The following ALPK3 variants were observed in gnomAD, a reference collection of about 807,000 sequenced individuals.
The protein encoded by ALPK3 is alpha kinase 3.
In ALPK3, 102 loss-of-function variants were observed where a neutral mutation model predicts 140.0. That is an observed-to-expected ratio of 0.73 (90% CI 0.62 to 0.86). The LOEUF (loss-of-function observed/expected upper bound fraction) is 0.86, where lower values mean the gene tolerates loss of function less well. ALPK3 is among the 40% of genes least tolerant of loss of function. ALPK3 has a pLI of 0.00. For missense variants in ALPK3, 2,254 were observed against 2,208.2 expected, an observed-to-expected ratio of 1.02 and a Z score of -0.42; for synonymous variants, 938 against 898.5, an observed-to-expected ratio of 1.04 and a Z score of -0.79.
At chr15:84,838,887 G>A (rs1963624097) in intron 3 of ALPK3, 93 bp from the exon 4 acceptor site, 2 of 1,051,414 alleles carry the variant, frequency 1.9e-6, no homozygotes, top group Non-Finnish European at 1.4e-6. Flanking sequence ...CTCCCAAAGT[G>A]CTGGGATTAC....
chr15:84,866,287 CTAAGTTAGAGTCCTACACA>C (rs1964003151), intron 12 of ALPK3, among the ~76,000 whole-genome samples: 1 of 152,180 alleles, frequency 6.6e-6, no homozygotes, highest in Admixed American at 6.5e-5. Context: ...GTTTCAGACA[CTAAGTTAGAGTCCTACACA>C]TATTATGATT....
In ALPK3 at chr15:84,870,268, ATCT is replaced by A. The variant is rs1291181294; in HGVS notation, c.*1816_*1818del. The A allele has an allele frequency of 6.6e-6, 1 of 151,488 alleles. No homozygotes were observed. Among genetic ancestry groups the A allele is most frequent in the Non-Finnish European group, 1.5e-5 (1 of 67,996 alleles). 9.4% of individuals were successfully genotyped at this position (151,488 alleles called of 1,614,324 possible). On this transcript the variant is annotated 3_prime_UTR_variant, in exon 14 of 14. Transcript: ENST00000258888. Reference sequence around the variant, plus strand: ...CTCCTCTGTGCTCAGGTGACTCCACATCTTCTGCCCCAGTGTGTCCCCACCTCT... The same window carrying A: ...CTCCTCTGTGCTCAGGTGACTCCACATCTGCCCCAGTGTGTCCCCACCTCT...
rs747180813 is a variant in ALPK3 at position 84,840,870 on chromosome 15, C to T, written c.1591C>T (p.Arg531Trp). ...SVQVPTPPAR[R>W]RHGTRDSTLQ... ...GCAGGTGCCGACGCCCCCTGCCCGG[C>T]GGAGACATGGCACCCGGGACAGCAC... Residue 531 changes from arginine to tryptophan, a missense_variant, in exon 5 of 14, where the codon CGG becomes TGG. Coordinates refer to ENST00000258888, the MANE Select transcript of ALPK3 (RefSeq NM_020778.5). The T allele has an allele frequency of 2.4e-5, 39 of 1,613,550 alleles. No homozygotes were observed. The highest frequency in any genetic ancestry group is 4.5e-5 in the East Asian group (2 of 44,896).
intron 5 of ALPK3, among the ~76,000 whole-genome samples, chr15:84,852,324 G>A (rs976500887): frequency 3.9e-5 from 6 of 152,204 alleles, no homozygotes; most frequent in African/African-American, 1.2e-4. Flanking sequence ...TGTATACCTG[G>A]TGGCTATGCT....
At position 84,827,598 on chromosome 15, in the gene ALPK3, C is replaced by T. The variant is rs770674872; in HGVS notation, c.297C>T (p.Ile99=). Residue 99 remains isoleucine (I), a synonymous_variant, in exon 3 of 14, where the codon ATC becomes ATT. Transcript: ENST00000258888. The part of the protein sequence containing the change: ...SEDSDVRFTC[I]VTGYPEPEVT... The stretch of plus-strand genomic sequence containing the variant: ...ACAGCGACGTCAGGTTCACCTGCAT[C>T]GTCACAGGTAAGGATGCTGTCTGTA... 22 of 1,613,902 alleles carry T rather than the reference C, an allele frequency of 1.4e-5. No homozygotes were observed. The highest frequency in any genetic ancestry group is 8.8e-5 in the South Asian group (8 of 91,078).
intron 8 of ALPK3, 36 bp downstream of exon 8, chr15:84,859,939 C>T (rs990183966): frequency 6.2e-7 from 1 of 1,613,814 alleles, no homozygotes; most frequent in Admixed American, 1.7e-5. Context: ...CTCAGCCTGG[C>T]CTGGCTCCTG....
chr15:84,846,398 C>T (rs76873480), intron 5 of ALPK3, among the ~76,000 whole-genome samples: 1,534 of 152,356 alleles, frequency 0.01, 13 homozygotes, highest in Middle Eastern at 0.027. Context: ...TTAAAATCAT[C>T]TGACTTTACT....
Position 84,856,378 on chromosome 15 carries a change from C to T in ALPK3, c.1654-14C>T, listed in dbSNP as rs1173594834. On this transcript the variant is annotated splice_polypyrimidine_tract_variant and intron_variant, in intron 5 of 13. Coordinates refer to ENST00000258888, the MANE Select transcript of ALPK3 (RefSeq NM_020778.5). ...CATGTAGTTAAATCCTTGCTTTTGTCCCTCTGTTTTCAGGTCCTGGAATGC... is the reference window on the plus strand; with the variant it reads ...CATGTAGTTAAATCCTTGCTTTTGTTCCTCTGTTTTCAGGTCCTGGAATGC... 2 of 1,572,770 alleles carry T rather than the reference C, an allele frequency of 1.3e-6. No homozygotes were observed. Among genetic ancestry groups the T allele is most frequent in the Non-Finnish European group, 1.7e-6 (2 of 1,163,646 alleles).
rs754751518 is a variant in ALPK3 at position 84,856,808 on chromosome 15, G to C, written c.2070G>C (p.Lys690Asn). Residue 690 changes from lysine to asparagine, a missense_variant, in exon 6 of 14, where the codon AAG becomes AAC. Lys to Asn is a moderately conservative substitution (Grantham distance 94). Coordinates refer to ENST00000258888, the MANE Select transcript of ALPK3 (RefSeq NM_020778.5). Reference protein sequence around the residue: ...IQEDRKAQADKGTQEDRRMQG... With the variant: ...IQEDRKAQADNGTQEDRRMQG... ...AAGACAGGAAGGCCCAGGCAGATAA[G>C]GGCACACAGGAAGACAGAAGGATGC... is the stretch of plus-strand genomic sequence containing the variant. The C allele has an allele frequency of 6.2e-7, 1 of 1,614,042 alleles. No homozygotes were observed. The highest frequency in any genetic ancestry group is 1.1e-5 in the South Asian group (1 of 91,078).
chr15:84,865,650 G>A (rs912994806), intron 12 of ALPK3, among the ~76,000 whole-genome samples: 2 of 152,188 alleles, frequency 1.3e-5, no homozygotes, highest in South Asian at 2.1e-4. Context: ...AGACGATAAC[G>A]TGGCATAGTA....
chr15:84,825,188 A>T (rs8024538), intron 2 of ALPK3, among the ~76,000 whole-genome samples: 96,929 of 149,800 alleles, frequency 0.65, 33,184 homozygotes, highest in African/African-American at 0.9. Context: ...TTTTATTATT[A>T]TTTTTTTTTT....
chr15:84,825,365 C>CG (rs1458570732), intron 2 of ALPK3, among the ~76,000 whole-genome samples: 1 of 151,872 alleles, frequency 6.6e-6, no homozygotes, highest in Non-Finnish European at 1.5e-5. Flanking sequence ...TTAGTAGAGA[C>CG]GGGGTTTCAC....
At chr15:84,853,942 A>C (rs546230085) in intron 5 of ALPK3, among the ~76,000 whole-genome samples, 1 of 152,302 alleles carries the variant, frequency 6.6e-6, no homozygotes, top group African/African-American at 2.4e-5. Context: ...TGAGGCCAGG[A>C]GTTTGAGACT....
In ALPK3 at chr15:84,848,311, T is replaced by C. The variant is rs1166701745; in HGVS notation, c.1653+7379T>C. 2.6e-5 allele frequency among the ~76,000 whole-genome samples: 4 copies of C among 151,656 alleles called. No homozygotes were observed. In the East Asian group the frequency reaches 7.7e-4, roughly 29 times the overall value. On this transcript the variant is annotated intron_variant, in intron 5 of 13. Coordinates refer to ENST00000258888, the MANE Select transcript of ALPK3 (RefSeq NM_020778.5). ...ATGCAAATATAATATATAAGACAAA[T>C]ACAACATAAAGGGGCATAGGGTAAA...
At chr15:84,854,066 T>C (rs1963834806) in intron 5 of ALPK3, among the ~76,000 whole-genome samples, 1 of 152,046 alleles carries the variant, frequency 6.6e-6, no homozygotes, top group Non-Finnish European at 1.5e-5. Context: ...CTTTAAATTC[T>C]ACACTTAATT....
chr15:84,843,162 C>T lies in ALPK3; in HGVS notation c.1653+2230C>T, dbSNP rs977353268. On this transcript the variant is annotated intron_variant, in intron 5 of 13. Transcript: ENST00000258888. ...GAAGTTGTCTGTGTTGGTTCCACTG[C>T]TCCAACAAAAACCTCATGGTTAGGC... Among the ~76,000 whole-genome samples the T allele has an allele frequency of 2.6e-5, 4 of 152,306 alleles. No individual in the cohort carries two copies. The East Asian group carries it at 5.8e-4, about 22-fold the overall frequency.
intron 3 of ALPK3, among the ~76,000 whole-genome samples, chr15:84,830,096 T>G (rs1963529953): frequency 6.6e-6 from 1 of 152,212 alleles, no homozygotes. Context: ...AGGTTAGTAC[T>G]TTCCATAGTT....
At position 84,858,567 on chromosome 15, in the gene ALPK3, G is replaced by A; in HGVS notation, c.3817+12G>A. 1 of 1,564,436 alleles carries A rather than the reference G, an allele frequency of 6.4e-7. No individual in the cohort carries two copies. The highest frequency in any genetic ancestry group is 8.6e-7 in the Non-Finnish European group (1 of 1,164,002). ...AGACCTGCTGAAAGGTGAGCAGTGG[G>A]GAGGGAGAGGGATGGCTTCACAGGA... On this transcript the variant is annotated intron_variant, in intron 6 of 13. Coordinates refer to ENST00000258888, the MANE Select transcript of ALPK3 (RefSeq NM_020778.5).
At chr15:84,861,738 A>C (rs9944229) in intron 9 of ALPK3, among the ~76,000 whole-genome samples, 1 of 152,080 alleles carries the variant, frequency 6.6e-6, no homozygotes, top group East Asian at 1.9e-4. Flanking sequence ...ATGAAGGATA[A>C]ATACTTGCTC....
Sources: allele counts gnomAD v4.1 joint callset (sites outside exome capture counted in the v4.1 genomes callset), GRCh38; gene constraint gnomAD v4.1.1; transcripts MANE v1.5; gene names NCBI Gene and HGNC (gene_info 2026-07-23, HGNC 2026-07-21).